Variants in HIPK1 observed in about 807,000 individuals in gnomAD.
HIPK1 encodes the protein homeodomain-interacting protein kinase 1.
HIPK1 carries 28 observed loss-of-function variants against 117.1 expected under a neutral mutation model. The observed-to-expected ratio is 0.24, with a 90% CI of 0.18 to 0.33. The LOEUF is 0.33. HIPK1 is among the 10% of genes least tolerant of loss of function. HIPK1 has a pLI of 1.00. For synonymous variants in HIPK1, 605 were observed against 562.5 expected (o/e 1.08, Z -1.07); for missense variants, 1,122 against 1,475.1 (o/e 0.76, Z 3.92).
Position 113,973,563 on chromosome 1 carries a change from G to C in HIPK1, c.*51G>C. ...CATGGCTACCTTCTCCTGGCCCTGC[G>C]TTCTTAATATTGGGCTATGGAGAGA... On this transcript the variant is annotated 3_prime_UTR_variant, in exon 16 of 16. Coordinates refer to ENST00000426820, the MANE Select transcript of HIPK1 (RefSeq NM_198268.3). The C allele has an allele frequency of 2.0e-6, 3 of 1,531,172 alleles. No individual in the cohort carries two copies. Among genetic ancestry groups the C allele is most frequent in the Non-Finnish European group, 2.6e-6 (3 of 1,137,050 alleles). 94.8% of individuals were successfully genotyped at this position (1,531,172 alleles called of 1,614,324 possible). A position where few individuals can be genotyped will look rare whatever the true frequency, so the allele number is the denominator to read the frequency against.
At chr1:113,958,355 A>G in intron 8 of HIPK1, 64 bp downstream of exon 8, 1 of 1,106,922 alleles carries the variant, frequency 9.0e-7, no homozygotes, top group Non-Finnish European at 1.3e-6. Flanking sequence ...AGGCAGCTCT[A>G]GTTGTTTAGT....
chr1:113,937,342 A>G (rs1411191778), intron 1 of HIPK1, among the ~76,000 whole-genome samples: 1 of 152,148 alleles, frequency 6.6e-6, no homozygotes, highest in Non-Finnish European at 1.5e-5. Context: ...ATCCTTTGTC[A>G]TGTTTCCTTC....
chr1:113,969,935 A>T (rs770446103), intron 13 of HIPK1, 21 bp from the exon 14 acceptor site: 30 of 1,612,782 alleles, frequency 1.9e-5, no homozygotes, highest in Non-Finnish European at 1.1e-5. Context: ...TTCAATTTTC[A>T]TGTATTTTTC....
chr1:113,954,504 A>G (rs1216202046), intron 3 of HIPK1, 147 bp from the exon 4 acceptor site: 2 of 746,152 alleles, frequency 2.7e-6, no homozygotes, highest in Non-Finnish European at 4.3e-6. Context: ...GGATTAGTAT[A>G]TATAGGTATT....
chr1:113,966,389 A>C, intron 11 of HIPK1, 117 bp downstream of exon 11: 6 of 904,382 alleles, frequency 6.6e-6, no homozygotes, highest in Non-Finnish European at 9.7e-6. Flanking sequence ...CACTGTTGGA[A>C]TCCTTTAAGA....
At chr1:113,952,980 T>A in intron 3 of HIPK1, 91 bp downstream of exon 3, 1 of 1,180,210 alleles carries the variant, frequency 8.5e-7, no homozygotes, top group Non-Finnish European at 1.1e-6. Flanking sequence ...ACTACTGAAG[T>A]ATTTAGATAA....
chr1:113,977,854 G>T lies in HIPK1; in HGVS notation c.*4342G>T, dbSNP rs1422929026. ...TAGGATATAAAGGGGATCAATAAAT[G>T]ACATCTTTGAAAGTGGCTAAGCATA... On this transcript the variant is annotated 3_prime_UTR_variant, in exon 16 of 16. Transcript: ENST00000426820. 39 of 152,678 alleles carry T rather than the reference G, an allele frequency of 2.6e-4. No homozygotes were observed. Among genetic ancestry groups the T allele is most frequent in the Non-Finnish European group, 2.9e-5 (2 of 68,044 alleles). 9.5% of individuals were successfully genotyped at this position (152,678 alleles called of 1,614,324 possible). A position where few individuals can be genotyped will look rare whatever the true frequency, so the allele number is the denominator to read the frequency against.
At position 113,970,108 on chromosome 1, in the gene HIPK1, T is replaced by A; in HGVS notation, c.2924T>A (p.Val975Asp). Residue 975 changes from valine (V) to aspartate (D), a missense_variant, in exon 14 of 16, where the codon GTT becomes GAT. Around this residue, in one of 6 missense-constraint regions of HIPK1, gnomAD observed 731 missense variants for 860.4 expected, o/e 0.85. Coordinates refer to ENST00000426820, the MANE Select transcript of HIPK1 (RefSeq NM_198268.3). ...SGSVLEGPGRVVADGTGTRTI... is the reference protein window; with the variant it reads ...SGSVLEGPGRDVADGTGTRTI... ...TCCGTTTTGGAGGGGCCTGGCAGAG[T>A]TGTGGCAGATGGCACTGGCACCCGC... 6.2e-7 allele frequency: 1 copy of A among 1,614,024 alleles called. No individual in the cohort carries two copies. The highest frequency in any genetic ancestry group is 8.5e-7 in the Non-Finnish European group (1 of 1,179,996).
intron 2 of HIPK1, chr1:113,951,324 A>G: frequency 6.3e-6 from 6 of 956,072 alleles, no homozygotes; most frequent in Non-Finnish European, 7.5e-6. Flanking sequence ...GAAACAGTGT[A>G]ATATATAATA....
chr1:113,929,986 C>T lies in HIPK1; in HGVS notation c.-3+454C>T, dbSNP rs535303537. The T allele has an allele frequency of 1.2e-4, 121 of 985,410 alleles. No individual in the cohort carries two copies. In the East Asian group the frequency reaches 0.011, roughly 91 times the overall value. The allele number at this position is 985,410 out of a possible 1,614,324, so 61.0% of individuals were successfully genotyped here. On this transcript the variant is annotated intron_variant, in intron 1 of 15. Coordinates refer to ENST00000426820, the MANE Select transcript of HIPK1 (RefSeq NM_198268.3). ...GGGTCCTCGGCGGGGAGCGACTTCC[C>T]CTCAGCTCCCTGAGGCGGGGCCGGG...
At chr1:113,956,270 G>T (rs1280390382) in intron 5 of HIPK1, among the ~76,000 whole-genome samples, 1 of 151,884 alleles carries the variant, frequency 6.6e-6, no homozygotes, top group African/African-American at 2.4e-5. Context: ...TAGAGACGGG[G>T]TTTTGCCATG....
rs1401048177 is a variant in HIPK1, at chr1:113,973,584, A to G, written c.*72A>G. On this transcript the variant is annotated 3_prime_UTR_variant, in exon 16 of 16. Transcript: ENST00000426820. ...CTGCGTTCTTAATATTGGGCTATGGAGAGATCCTCCTTTACCCTCTTGAAA... is the reference window on the plus strand; with the variant it reads ...CTGCGTTCTTAATATTGGGCTATGGGGAGATCCTCCTTTACCCTCTTGAAA... 5.3e-6 allele frequency: 8 copies of G among 1,496,760 alleles called. No individual in the cohort carries two copies. The highest frequency in any genetic ancestry group is 7.2e-6 in the Non-Finnish European group (8 of 1,116,140). The allele number at this position is 1,496,760 out of a possible 1,614,324, so 92.7% of individuals were successfully genotyped here. A position where few individuals can be genotyped will look rare whatever the true frequency, so the allele number is the denominator to read the frequency against.
In HIPK1 at chr1:113,934,451, G is replaced by A. The variant is rs376164335; in HGVS notation, c.-3+4919G>A. Among the ~76,000 whole-genome samples, 31 of 152,232 alleles carry A rather than the reference G, an allele frequency of 2.0e-4. No individual in the cohort carries two copies. The East Asian group carries it at 5.6e-3, about 27-fold the overall frequency. On this transcript the variant is annotated intron_variant, in intron 1 of 15. Coordinates refer to ENST00000426820, the MANE Select transcript of HIPK1 (RefSeq NM_198268.3). ...GAAAGTTGTTAATCTGTTTTTGAAA[G>A]CCTTGGATTCTAGCTATTATCTTTT...
At chr1:113,966,840 T>G (rs1365200277) in intron 11 of HIPK1, among the ~76,000 whole-genome samples, 1 of 151,380 alleles carries the variant, frequency 6.6e-6, no homozygotes, top group Non-Finnish European at 1.5e-5. Flanking sequence ...CTTATTCTTT[T>G]TTTTTTTTTT....
chr1:113,933,193 C>T, intron 1 of HIPK1: 1 of 985,314 alleles, frequency 1.0e-6, no homozygotes, highest in Non-Finnish European at 1.2e-6. Flanking sequence ...GCAACAGCCT[C>T]TGCCACACTG....
At position 113,971,892 on chromosome 1, in the gene HIPK1, C is replaced by A; in HGVS notation, c.3082C>A (p.Pro1028Thr). Residue 1028 changes from proline to threonine, a missense_variant, in exon 15 of 16, where the codon CCC becomes ACC. Physicochemically the swap from Pro to Thr is conservative, Grantham distance 38 (BLOSUM62 -1). Around this residue, in one of 6 missense-constraint regions of HIPK1, gnomAD observed 731 missense variants for 860.4 expected, o/e 0.85. Transcript: ENST00000426820. The stretch of plus-strand genomic sequence containing the variant: ...GCAGTCATCTGGATGCTGTATCACC[C>A]CCACAGGGTATCGAGCTCAACGCGG... ...SGQSSGCCIT[P>T]TGYRAQRGGT... The A allele has an allele frequency of 6.2e-7, 1 of 1,606,664 alleles. No homozygotes were observed. Among genetic ancestry groups the A allele is most frequent in the Non-Finnish European group, 8.5e-7 (1 of 1,177,200 alleles).
rs1223087744 is a variant in HIPK1, at chr1:113,974,431, C to G, written c.*919C>G. ...GTTTTATTATATGCAAAATCTCTGT[C>G]TATTATGAGATACTGGCATTGATGA... is the stretch of plus-strand genomic sequence containing the variant. On this transcript the variant is annotated 3_prime_UTR_variant, in exon 16 of 16. Transcript: ENST00000426820. 1 of 152,634 alleles carries G rather than the reference C, an allele frequency of 6.6e-6. No homozygotes were observed. Among genetic ancestry groups the G allele is most frequent in the African/African-American group, 2.4e-5 (1 of 41,402 alleles). The allele number at this position is 152,634 out of a possible 1,614,324, so 9.5% of individuals were successfully genotyped here.
Position 113,962,313 on chromosome 1 carries a change from A to G in HIPK1, c.1982-4A>G. On this transcript the variant is annotated splice_region_variant and splice_polypyrimidine_tract_variant and intron_variant, in intron 8 of 15. Coordinates refer to ENST00000426820, the MANE Select transcript of HIPK1 (RefSeq NM_198268.3). ...CTATTTAACTGTGATGCTGTTTTCA[A>G]TAGCTGGACTACAAGCAACAACAAA... is the stretch of plus-strand genomic sequence containing the variant. The G allele has an allele frequency of 1.2e-6, 2 of 1,613,308 alleles. No individual in the cohort carries two copies. The highest frequency in any genetic ancestry group is 1.7e-6 in the Non-Finnish European group (2 of 1,179,558).
chr1:113,945,040 G>A (rs370335345), intron 2 of HIPK1, among the ~76,000 whole-genome samples: 1 of 151,634 alleles, frequency 6.6e-6, no homozygotes, highest in African/African-American at 2.4e-5. Context: ...GTAGAGACGG[G>A]GTTTCACTGT....
Sources: gnomAD v4.1 joint callset for allele counts (sites outside exome capture counted in the v4.1 genomes callset) on GRCh38, gnomAD v4.1.1 for gene constraint, gnomAD v4.1.1 regional missense constraint, MANE v1.5 for transcripts, NCBI Gene and HGNC (gene_info 2026-07-23, HGNC 2026-07-21) for gene names.